Variants in ARMC2 observed in about 807,000 individuals in gnomAD.
The protein encoded by ARMC2 is armadillo repeat containing 2.
In ARMC2, 67 loss-of-function variants were observed where a neutral mutation model predicts 90.3. That is an observed-to-expected ratio of 0.74 (90% CI 0.61 to 0.91). The LOEUF is 0.91. ARMC2 is among the 40% of genes least tolerant of loss of function. The pLI is 0.00. For missense variants in ARMC2, 920 were observed against 1,030.9 expected, an observed-to-expected ratio of 0.89 and a Z score of 1.47; for synonymous variants, 393 against 393.0, an observed-to-expected ratio of 1.00 and a Z score of 0.00.
At chr6:108,940,238 CCTGGGT>C (rs1776324479) in intron 12 of ARMC2, among the ~76,000 whole-genome samples, 1 of 152,150 alleles carries the variant, frequency 6.6e-6, no homozygotes, top group Non-Finnish European at 1.5e-5. Flanking sequence ...TGCACTCCAG[CCTGGGT>C]GACAGAGGAA....
chr6:108,880,886 T>C (rs1777473754), intron 5 of ARMC2, among the ~76,000 whole-genome samples: 1 of 151,534 alleles, frequency 6.6e-6, no homozygotes, highest in Non-Finnish European at 1.5e-5. Flanking sequence ...TGACAGAGTC[T>C]AGCTCTATTG....
At chr6:108,889,525 CGACCTTCTGGGCT>C (rs1770729146) in intron 5 of ARMC2, among the ~76,000 whole-genome samples, 1 of 151,872 alleles carries the variant, frequency 6.6e-6, no homozygotes, top group African/African-American at 2.4e-5. Flanking sequence ...ACTGCAGCCT[CGACCTTCTGGGCT>C]CAAGCGATCC....
intron 10 of ARMC2, among the ~76,000 whole-genome samples, chr6:108,913,962 A>G (rs1773691194): frequency 6.6e-6 from 1 of 152,202 alleles, no homozygotes; most frequent in Non-Finnish European, 1.5e-5. Context: ...ATTCTTCTTA[A>G]TGACTGCATA....
chr6:108,856,629 C>G (rs1019468035), intron 2 of ARMC2: 45 of 185,166 alleles, frequency 2.4e-4, no homozygotes, highest in African/African-American at 1.0e-3. Context: ...TTGACAGCTT[C>G]GCAAATTCCT....
chr6:108,935,698 C>T (rs1433826059), intron 11 of ARMC2, among the ~76,000 whole-genome samples: 1 of 152,184 alleles, frequency 6.6e-6, no homozygotes, highest in Non-Finnish European at 1.5e-5. Flanking sequence ...CTGCCTCGGC[C>T]TCCCAAAGTG....
chr6:108,886,333 G>A lies in ARMC2; in HGVS notation c.672-8134G>A, dbSNP rs545872544. Among the ~76,000 whole-genome samples, 334 of 152,308 alleles carry A rather than the reference G, an allele frequency of 2.2e-3. 3 individuals carry two copies. Among genetic ancestry groups the A allele is most frequent in the African/African-American group, 7.6e-3 (316 of 41,566 alleles). On this transcript the variant is annotated intron_variant, in intron 5 of 17. Coordinates refer to ENST00000392644, the MANE Select transcript of ARMC2 (RefSeq NM_032131.6). Reference sequence around the variant, plus strand: ...AGCACTTTGGGAGGCCAAGGTGGGCGAATCACCTGTGGTTGGGAGTTCGAG... The same window carrying A: ...AGCACTTTGGGAGGCCAAGGTGGGCAAATCACCTGTGGTTGGGAGTTCGAG...
chr6:109,014,009 T>C, the ARMC2 span, among the ~76,000 whole-genome samples: 1 of 152,048 alleles, frequency 6.6e-6, no homozygotes, highest in Non-Finnish European at 1.5e-5. Flanking sequence ...CTCTATACTT[T>C]TTTTTTTTTT....
At chr6:108,882,874 A>G (rs1777732049) in intron 5 of ARMC2, among the ~76,000 whole-genome samples, 1 of 152,254 alleles carries the variant, frequency 6.6e-6, no homozygotes, top group African/African-American at 2.4e-5. Flanking sequence ...CAGAGCAGAA[A>G]GAAGAAAAAT....
intron 5 of ARMC2, among the ~76,000 whole-genome samples, chr6:108,891,591 A>G (rs1008937509): frequency 5.3e-5 from 8 of 152,016 alleles, no homozygotes; most frequent in Non-Finnish European, 1.0e-4. Flanking sequence ...CCACTTTTTG[A>G]TGGAATTTTT....
chr6:108,852,198 T>A (rs1774080183), intron 1 of ARMC2, among the ~76,000 whole-genome samples: 1 of 152,216 alleles, frequency 6.6e-6, no homozygotes, highest in African/African-American at 2.4e-5. Context: ...AATATCAATT[T>A]AAAAATCCTC....
chr6:108,855,843 A>G (rs1231969073), intron 2 of ARMC2, among the ~76,000 whole-genome samples: 1 of 152,050 alleles, frequency 6.6e-6, no homozygotes, highest in African/African-American at 2.4e-5. Flanking sequence ...CTTATTTTAC[A>G]TATGTATGTC....
At chr6:108,954,009 C>T (rs1171434126) in intron 13 of ARMC2, among the ~76,000 whole-genome samples, 1 of 152,200 alleles carries the variant, frequency 6.6e-6, no homozygotes, top group Non-Finnish European at 1.5e-5. Context: ...GCCACCTACT[C>T]ACTGTGTGCT....
chr6:109,022,356 T>G, the ARMC2 span, among the ~76,000 whole-genome samples: 4 of 151,764 alleles, frequency 2.6e-5, no homozygotes, highest in African/African-American at 9.7e-5. Context: ...CTAGTTTCGA[T>G]TTGATATTAA....
At chr6:108,879,238 A>G (rs987740060) in intron 5 of ARMC2, among the ~76,000 whole-genome samples, 1 of 150,500 alleles carries the variant, frequency 6.6e-6, no homozygotes, top group African/African-American at 2.5e-5. Flanking sequence ...CTCCCCATCC[A>G]TCCACCCATT....
At chr6:109,052,213 T>TG in the ARMC2 span, among the ~76,000 whole-genome samples, 3 of 152,262 alleles carry the variant, frequency 2.0e-5, no homozygotes, top group Admixed American at 2.0e-4. Context: ...AAACAGTGCC[T>TG]GGCACTTTGT....
At chr6:108,884,667 T>C (rs1350668718) in intron 5 of ARMC2, among the ~76,000 whole-genome samples, 3 of 152,152 alleles carry the variant, frequency 2.0e-5, no homozygotes, top group African/African-American at 7.2e-5. Context: ...CTGAGCAGCA[T>C]GTCTGGAAGG....
At chr6:108,890,215 A>AAAAAAC (rs1770854282) in intron 5 of ARMC2, among the ~76,000 whole-genome samples, 1 of 123,034 alleles carries the variant, frequency 8.1e-6, no homozygotes, top group African/African-American at 3.0e-5. Flanking sequence ...AAAAAAAAAA[A>AAAAAAC]AAAAAAAAAA....
the ARMC2 span, among the ~76,000 whole-genome samples, chr6:109,015,743 A>T: frequency 6.6e-6 from 1 of 152,350 alleles, no homozygotes; most frequent in South Asian, 2.1e-4. Flanking sequence ...GTTTTAAAGA[A>T]GGAGAAGGAA....
chr6:109,044,311 C>CCAAA, the ARMC2 span, among the ~76,000 whole-genome samples: 1 of 28,472 alleles, frequency 3.5e-5, no homozygotes, highest in African/African-American at 2.0e-4. Context: ...GAACTTGCCT[C>CCAAA]AAAAAAAAAA....
Sources: allele counts gnomAD v4.1 joint callset (sites outside exome capture counted in the v4.1 genomes callset), GRCh38; gene constraint gnomAD v4.1.1; transcripts MANE v1.5; gene names NCBI Gene and HGNC (gene_info 2026-07-23, HGNC 2026-07-21).